Variants in GPM6A observed in about 807,000 individuals in gnomAD.
GPM6A encodes the protein glycoprotein M6A, also known as neuronal membrane glycoprotein M6-a.
GPM6A carries 7 observed loss-of-function variants against 32.1 expected under a neutral mutation model. The ratio of observed to expected loss-of-function variants is 0.22; its 90% CI spans 0.12 to 0.41. The LOEUF is 0.41. GPM6A is among the 10% of genes least tolerant of loss of function. GPM6A has a pLI of 1.00. For missense variants in GPM6A, 235 were observed against 347.2 expected (o/e 0.68, Z 2.57); for synonymous variants, 130 against 123.4 (o/e 1.05, Z -0.35).
chr4:175,990,186 G>GT (rs1741095687), intron 1 of GPM6A, among the ~76,000 whole-genome samples: 1 of 152,142 alleles, frequency 6.6e-6, no homozygotes, highest in Non-Finnish European at 1.5e-5. Flanking sequence ...ATAAAAAGAT[G>GT]TTTTTCCTTC....
intron 1 of GPM6A, among the ~76,000 whole-genome samples, chr4:175,969,672 C>T (rs1489159329): frequency 6.6e-6 from 1 of 152,162 alleles, no homozygotes; most frequent in Non-Finnish European, 1.5e-5. Context: ...GATCATGCCA[C>T]TGCACTCCAG....
At chr4:175,635,160 A>G in intron 6 of GPM6A, 103 bp from the exon 7 acceptor site, 5 of 808,136 alleles carry the variant, frequency 6.2e-6, no homozygotes, top group Non-Finnish European at 9.8e-6. Flanking sequence ...TTTATAGGAA[A>G]TGTTCACATA....
At chr4:175,739,798 T>G (rs1362851735) in intron 1 of GPM6A, among the ~76,000 whole-genome samples, 1 of 152,122 alleles carries the variant, frequency 6.6e-6, no homozygotes, top group African/African-American at 2.4e-5. Flanking sequence ...TCTTAAGATT[T>G]TCTTCTGAAA....
intron 1 of GPM6A, among the ~76,000 whole-genome samples, chr4:175,904,172 A>G (rs1738052922): frequency 6.6e-6 from 1 of 152,010 alleles, no homozygotes. Context: ...ATTCTTAATA[A>G]AAAAAGTTTA....
At chr4:175,774,979 A>G (rs531698587) in intron 1 of GPM6A, among the ~76,000 whole-genome samples, 1 of 152,258 alleles carries the variant, frequency 6.6e-6, no homozygotes, top group South Asian at 2.1e-4. Context: ...ATTTTGACCA[A>G]AATATTAGTC....
chr4:175,673,951 C>CT, intron 2 of GPM6A, 115 bp from the exon 3 acceptor site: 1 of 652,926 alleles, frequency 1.5e-6, no homozygotes. Context: ...TATTTATATT[C>CT]ATAATGAAGG....
chr4:175,774,430 C>A (rs1040859771), intron 1 of GPM6A, among the ~76,000 whole-genome samples: 1 of 152,094 alleles, frequency 6.6e-6, no homozygotes, highest in South Asian at 2.1e-4. Context: ...CCTCTCCCCT[C>A]TAATCTTTAA....
intron 1 of GPM6A, among the ~76,000 whole-genome samples, chr4:175,957,222 G>T (rs1376359110): frequency 6.6e-6 from 1 of 152,098 alleles, no homozygotes; most frequent in Non-Finnish European, 1.5e-5. Context: ...ATCTCAGTGG[G>T]TTTCTATCAG....
chr4:175,997,868 G>T (rs1386056347), intron 1 of GPM6A, among the ~76,000 whole-genome samples: 2 of 152,134 alleles, frequency 1.3e-5, no homozygotes, highest in Non-Finnish European at 2.9e-5. Context: ...TGTTTAAGTT[G>T]TCACATTTCA....
At chr4:175,745,410 A>G (rs1294663575) in intron 1 of GPM6A, among the ~76,000 whole-genome samples, 1 of 152,182 alleles carries the variant, frequency 6.6e-6, no homozygotes, top group Non-Finnish European at 1.5e-5. Context: ...TTTAATTTGC[A>G]AATTAGCAAT....
chr4:175,735,177 C>T (rs78961116), intron 1 of GPM6A, among the ~76,000 whole-genome samples: 6,383 of 152,010 alleles, frequency 0.042, 178 homozygotes, highest in Non-Finnish European at 0.062. Context: ...TTTTTTCTTC[C>T]GGCAAAAAAT....
At chr4:175,652,508 T>C (rs1246431434) in intron 3 of GPM6A, among the ~76,000 whole-genome samples, 1 of 152,036 alleles carries the variant, frequency 6.6e-6, no homozygotes, top group Non-Finnish European at 1.5e-5. Flanking sequence ...TCTTCTAACA[T>C]TTTTATAAAC....
chr4:175,720,874 A>G (rs1560895461), intron 1 of GPM6A, among the ~76,000 whole-genome samples: 1 of 152,042 alleles, frequency 6.6e-6, no homozygotes, highest in East Asian at 1.9e-4. Context: ...GTAAAGAAAG[A>G]TAGTCATTTC....
intron 1 of GPM6A, among the ~76,000 whole-genome samples, chr4:175,716,762 A>G (rs969418013): frequency 1.3e-5 from 2 of 152,214 alleles, no homozygotes; most frequent in African/African-American, 4.8e-5. Flanking sequence ...CAGCCTGTTA[A>G]GCAAACTAAT....
intron 1 of GPM6A, among the ~76,000 whole-genome samples, chr4:175,731,869 G>A (rs906862371): frequency 1.3e-5 from 2 of 151,890 alleles, no homozygotes; most frequent in East Asian, 1.9e-4. Flanking sequence ...TGACAGGGAT[G>A]CTCTTGCCTC....
At chr4:175,857,412 T>C (rs1195011342) in intron 1 of GPM6A, among the ~76,000 whole-genome samples, 2 of 152,122 alleles carry the variant, frequency 1.3e-5, no homozygotes, top group Non-Finnish European at 2.9e-5. Flanking sequence ...AGTTAAAATA[T>C]ATAAACATTA....
At chr4:175,803,164 T>TTCTTCA (rs1734540425) in intron 1 of GPM6A, among the ~76,000 whole-genome samples, 1 of 145,508 alleles carries the variant, frequency 6.9e-6, no homozygotes, top group African/African-American at 2.5e-5. Flanking sequence ...CTGTTCTCGT[T>TTCTTCA]TCATCATCAT....
chr4:175,960,536 C>T (rs1740131506), intron 1 of GPM6A, among the ~76,000 whole-genome samples: 1 of 152,144 alleles, frequency 6.6e-6, no homozygotes, highest in South Asian at 2.1e-4. Flanking sequence ...CAACCCATCA[C>T]GTAGGTATTA....
chr4:175,700,985 T>C (rs1744846072), intron 2 of GPM6A, among the ~76,000 whole-genome samples: 2 of 152,202 alleles, frequency 1.3e-5, no homozygotes. Context: ...AACATAATCA[T>C]AGTGATCTTA....
Sources: allele counts gnomAD v4.1 joint callset (sites outside exome capture counted in the v4.1 genomes callset), GRCh38; gene constraint gnomAD v4.1.1; transcripts MANE v1.5; gene names NCBI Gene and HGNC (gene_info 2026-07-23, HGNC 2026-07-21).